DOK1: variants seen among roughly 807,000 people sequenced by gnomAD.
DOK1 encodes docking protein 1.
DOK1 carries 12 observed loss-of-function variants against 24.0 expected under a neutral mutation model. That is an observed-to-expected ratio of 0.50 (90% confidence interval 0.32 to 0.81). DOK1 has a LOEUF of 0.81. Ranked by LOEUF, DOK1 falls within the 30% of genes least tolerant of loss-of-function variation. The probability of loss-of-function intolerance (pLI) is 0.03; values close to 1 mark genes in which losing one functional copy is unlikely to be tolerated. For missense variants in DOK1, 591 were observed against 620.7 expected, an observed-to-expected ratio of 0.95 and a Z score of 0.51; for synonymous variants, 250 against 260.9, an observed-to-expected ratio of 0.96 and a Z score of 0.40.
In DOK1 at chr2:74,556,172, C is replaced by T; in HGVS notation, c.639+94C>T. ...TGGGAAGCTCTGACCTTTGGATCCC[C>T]CTTTCTTGCCTACCCGGTGACCCCG... On this transcript the variant is annotated intron_variant, in intron 4 of 4. Transcript: ENST00000233668. This position sits in a 1 kb window ranked among gnomAD's most constrained non-coding sequence, Gnocchi z 4.1. 1 of 1,529,396 alleles carries T rather than the reference C, an allele frequency of 6.5e-7. No individual in the cohort carries two copies. Among genetic ancestry groups the T allele is most frequent in the East Asian group, 2.3e-5 (1 of 44,132 alleles). 94.7% of individuals were successfully genotyped at this position (1,529,396 alleles called of 1,614,324 possible). A position where few individuals can be genotyped will look rare whatever the true frequency, so the allele number is the denominator to read the frequency against.
At chr2:74,550,829 G>C (rs907630235), upstream of DOK1, among the ~76,000 whole-genome samples, 6 of 152,160 alleles carry the variant, frequency 3.9e-5, no homozygotes, top group South Asian at 1.0e-3. Flanking sequence ...CTATCTGTGA[G>C]GCTTGGATGT....
In DOK1 at chr2:74,554,767, G is replaced by C. The variant is rs1437541394; in HGVS notation, c.13G>C (p.Val5Leu). 6 of 1,613,866 alleles carry C rather than the reference G, an allele frequency of 3.7e-6. No individual in the cohort carries two copies. Among genetic ancestry groups the C allele is most frequent in the Non-Finnish European group, 3.4e-6 (4 of 1,180,018 alleles). Residue 5 changes from valine to leucine, a missense_variant, in exon 1 of 5, where the codon GTG becomes CTG. Coordinates refer to ENST00000233668, the MANE Select transcript of DOK1 (RefSeq NM_001381.5). The surrounding 1 kb of genome is among the most constrained non-coding windows in gnomAD (Gnocchi z 4.9). ...ACCGCCGGGGGCCATGGACGGAGCA[G>C]TGATGGAAGGGCCGCTTTTTTTGCA... Reference protein sequence around the residue: MDGAVMEGPLFLQSQ... With the variant: MDGALMEGPLFLQSQ...
chr2:74,552,265 C>T, upstream of DOK1: 1 of 1,511,574 alleles, frequency 6.6e-7, no homozygotes, highest in South Asian at 1.2e-5. Context: ...TGTTCCCTTT[C>T]CCTGCACTTT....
upstream of DOK1, chr2:74,552,502 G>A (rs1429584079): frequency 6.2e-6 from 10 of 1,613,576 alleles, no homozygotes; most frequent in African/African-American, 4.0e-5. Context: ...CCAGCCAGCC[G>A]GAACCGAAGC....
chr2:74,554,519 G>C (rs1263114158), upstream of DOK1: 5 of 569,714 alleles, frequency 8.8e-6, no homozygotes, highest in Non-Finnish European at 9.3e-6. This position sits in a 1 kb window ranked among gnomAD's most constrained non-coding sequence, Gnocchi z 4.9. Flanking sequence ...ACTTTCGGTG[G>C]AGCCACTGGC....
Position 74,556,690 on chromosome 2 carries a change from A to G in DOK1, c.1022A>G (p.Tyr341Cys). 1.2e-6 allele frequency: 2 copies of G among 1,614,254 alleles called. No homozygotes were observed. Among genetic ancestry groups the G allele is most frequent in the South Asian group, 1.1e-5 (1 of 91,088 alleles). The change falls in exon 5 of 5, where the codon TAT becomes TGT. Residue 341 changes from tyrosine (Y) to cysteine (C), a missense_variant. Tyr to Cys is a radical substitution (Grantham distance 194). Transcript: ENST00000233668. The surrounding 1 kb of genome is among the most constrained non-coding windows in gnomAD (Gnocchi z 4.1). ...AAGAAACCTCTCTATTGGGACTTGT[A>G]TGAGCATGCGCAGCAGCAGTTGCTG... The part of the protein sequence containing the change: ...QRKKPLYWDL[Y>C]EHAQQQLLKA...
chr2:74,556,249 G>T lies in DOK1; in HGVS notation c.640-59G>T, dbSNP rs1012934947. On this transcript the variant is annotated intron_variant, in intron 4 of 4. Transcript: ENST00000233668. The surrounding 1 kb of genome is among the most constrained non-coding windows in gnomAD (Gnocchi z 4.1). ...TGTAGATACCCTAACTAGTGCAGGC[G>T]TGTGACTCACTTCCTCTGATGGCTC... 3.3e-5 allele frequency: 52 copies of T among 1,574,314 alleles called. No individual in the cohort carries two copies. The highest frequency in any genetic ancestry group is 4.2e-5 in the Non-Finnish European group (49 of 1,157,816).
chr2:74,553,558 G>A (rs903906609), upstream of DOK1, among the ~76,000 whole-genome samples: 3 of 152,182 alleles, frequency 2.0e-5, no homozygotes, highest in African/African-American at 7.2e-5. Context: ...GCAAGCCCCC[G>A]TCAACATGCT....
chr2:74,554,432 C>CTGACGTCACCTTGGGCATA (rs1461505339), upstream of DOK1: 12 of 413,754 alleles, frequency 2.9e-5, no homozygotes, highest in Non-Finnish European at 4.8e-5. This position sits in a 1 kb window ranked among gnomAD's most constrained non-coding sequence, Gnocchi z 4.9. Context: ...GGCTTTCACT[C>CTGACGTCACCTTGGGCATA]TGACGTCACC....
upstream of DOK1, chr2:74,552,673 G>T (rs372837797): frequency 2.7e-6 from 4 of 1,483,094 alleles, no homozygotes; most frequent in South Asian, 2.6e-5. Context: ...CAAAGTGTGC[G>T]TGAGAGAAAC....
In DOK1 at chr2:74,556,292, C is replaced by T. The variant is rs779867803; in HGVS notation, c.640-16C>T. 52 of 1,605,516 alleles carry T rather than the reference C, an allele frequency of 3.2e-5. No individual in the cohort carries two copies. The highest frequency in any genetic ancestry group is 4.2e-5 in the Non-Finnish European group (49 of 1,174,694). On this transcript the variant is annotated splice_polypyrimidine_tract_variant and intron_variant, in intron 4 of 4. Transcript: ENST00000233668. The surrounding 1 kb of genome is among the most constrained non-coding windows in gnomAD (Gnocchi z 4.1). ...GATGGCTCCTGGTAATGTGTTTCCC[C>T]CTCTACCCTCCTTAGGTCATGTTCT...
chr2:74,550,303 C>A, upstream of DOK1: 2 of 1,614,104 alleles, frequency 1.2e-6, no homozygotes, highest in Non-Finnish European at 1.7e-6. Context: ...TTCAGTCACA[C>A]TCTGCTCGGT....
chr2:74,550,388 G>A (rs1438593252), upstream of DOK1: 4 of 1,590,984 alleles, frequency 2.5e-6, no homozygotes, highest in Non-Finnish European at 3.4e-6. Context: ...AGCTTGGGGA[G>A]GGAGGATGGG....
In DOK1 at chr2:74,549,538, C is replaced by T. The variant is rs776024001; in HGVS notation, c.-358+366C>T. 1.2e-6 allele frequency: 2 copies of T among 1,612,252 alleles called. No individual in the cohort carries two copies. Among genetic ancestry groups the T allele is most frequent in the South Asian group, 1.1e-5 (1 of 90,982 alleles). Reference sequence around the variant, plus strand: ...GGCAGGGGTCGTCTGCCCCACCCAACGGCGGGTCGAATTCGCACCTCCTCC... The same window carrying T: ...GGCAGGGGTCGTCTGCCCCACCCAATGGCGGGTCGAATTCGCACCTCCTCC... On this transcript the variant is annotated intron_variant, in intron 1 of 4. Coordinates refer to the DOK1 transcript ENST00000409429. The surrounding 1 kb of genome is among the most constrained non-coding windows in gnomAD (Gnocchi z 5.3).
upstream of DOK1, chr2:74,552,243 G>A (rs555905487): frequency 3.9e-4 from 528 of 1,350,070 alleles, 2 homozygotes; most frequent in South Asian, 6.6e-3. Flanking sequence ...CCCTATGGCT[G>A]TGCCATCCTC....
Position 74,555,397 on chromosome 2 carries a change from G to A in DOK1, c.304G>A (p.Ala102Thr). 1 of 1,611,622 alleles carries A rather than the reference G, an allele frequency of 6.2e-7. No homozygotes were observed. Among genetic ancestry groups the A allele is most frequent in the Non-Finnish European group, 8.5e-7 (1 of 1,179,436 alleles). Residue 102 changes from alanine to threonine, a missense_variant, in exon 2 of 5, where the codon GCC (alanine) becomes ACC (threonine). Transcript: ENST00000233668. This position sits in a 1 kb window ranked among gnomAD's most constrained non-coding sequence, Gnocchi z 6.1. The part of the protein sequence containing the change: ...DTAQRSHLLA[A>T]DAPSSAAWVQ... ...TGCTCAGCGCTCGCACCTGCTGGCG[G>A]CCGACGCGCCGTCCAGTGCAGCCTG...
upstream of DOK1, chr2:74,552,410 C>G (rs765530045): frequency 6.2e-7 from 1 of 1,613,748 alleles, no homozygotes; most frequent in East Asian, 2.2e-5. Flanking sequence ...CAGCCTGCAG[C>G]GTGAAGTCAT....
At chr2:74,552,377 C>T (rs539428599), upstream of DOK1, 8 of 1,612,538 alleles carry the variant, frequency 5.0e-6, no homozygotes, top group South Asian at 8.8e-5. Flanking sequence ...CTGTGAAGCC[C>T]AGCTCCCGGC....
chr2:74,557,274 C>T lies in DOK1; in HGVS notation c.*160C>T. The T allele has an allele frequency of 1.4e-6, 1 of 736,850 alleles. No homozygotes were observed. Among genetic ancestry groups the T allele is most frequent in the South Asian group, 2.1e-5 (1 of 47,886 alleles). 45.6% of individuals were successfully genotyped at this position (736,850 alleles called of 1,614,324 possible). Reference sequence around the variant, plus strand: ...TGGGAGAGTCAAGGGAAGGACAATCCCAGGAAGTCCTAAGAAGTGGGGCAG... The same window carrying T: ...TGGGAGAGTCAAGGGAAGGACAATCTCAGGAAGTCCTAAGAAGTGGGGCAG... On this transcript the variant is annotated 3_prime_UTR_variant, in exon 5 of 5. Transcript: ENST00000233668.
Sources: allele counts gnomAD v4.1 joint callset (sites outside exome capture counted in the v4.1 genomes callset), GRCh38; gene constraint gnomAD v4.1.1; non-coding constraint Gnocchi (gnomAD v3.1); transcripts MANE v1.5; gene names NCBI Gene and HGNC (gene_info 2026-07-23, HGNC 2026-07-21).